The following TGM4 variants were observed in gnomAD, a reference collection of about 807,000 sequenced individuals.
The protein encoded by TGM4 is transglutaminase 4.
TGM4 carries 61 observed loss-of-function variants against 76.3 expected under a neutral mutation model. The ratio of observed to expected loss-of-function variants is 0.80; its 90% CI spans 0.65 to 0.99. The LOEUF (loss-of-function observed/expected upper bound fraction) is 0.99, where lower values mean the gene tolerates loss of function less well. Ranked by LOEUF, TGM4 falls within the 50% of genes least tolerant of loss-of-function variation. TGM4 has a pLI of 0.00. For synonymous variants in TGM4, 337 were observed against 329.8 expected (o/e 1.02, Z -0.24); for missense variants, 794 against 843.2 (o/e 0.94, Z 0.72).
chr3:44,887,234 C>T (rs543822171), intron 2 of TGM4, among the ~76,000 whole-genome samples: 2 of 152,314 alleles, frequency 1.3e-5, no homozygotes, highest in Middle Eastern at 3.4e-3. Flanking sequence ...ATAAACTGAC[C>T]GACCTTTCAA....
intron 3 of TGM4, chr3:44,890,400 T>C (rs1008438578): frequency 8.3e-6 from 5 of 602,192 alleles, no homozygotes; most frequent in Non-Finnish European, 1.4e-5. Flanking sequence ...AACTTCATGC[T>C]GTATGGAGCT....
intron 3 of TGM4, chr3:44,889,130 G>A (rs1296551236): frequency 4.3e-5 from 6 of 139,812 alleles, no homozygotes; most frequent in African/African-American, 1.6e-4. Flanking sequence ...AAGAGGTAGA[G>A]CTGGCCAGCC....
intron 6 of TGM4, among the ~76,000 whole-genome samples, chr3:44,897,648 T>C (rs978688343): frequency 6.6e-6 from 1 of 152,204 alleles, no homozygotes; most frequent in Non-Finnish European, 1.5e-5. Context: ...CTTTGCACTT[T>C]TAAAAATTAT....
At chr3:44,912,933 A>C (rs1282929679) in intron 13 of TGM4, among the ~76,000 whole-genome samples, 2 of 152,270 alleles carry the variant, frequency 1.3e-5, no homozygotes, top group African/African-American at 2.4e-5. Context: ...TCCAGCAAAA[A>C]ACTTTACTGA....
Position 44,874,623 on chromosome 3 carries a change from G to T in TGM4, c.-56G>T. 1.2e-6 allele frequency: 2 copies of T among 1,610,730 alleles called. No individual in the cohort carries two copies. The highest frequency in any genetic ancestry group is 1.3e-5 in the African/African-American group (1 of 74,990). ...TCCCCTGAGGACCGACTGTGTGGAA[G>T]CACCAGGCATCAGAGATAGAGTCTT... On this transcript the variant is annotated 5_prime_UTR_variant, in exon 1 of 14. Transcript: ENST00000296125.
chr3:44,901,410 G>A, intron 6 of TGM4, 114 bp from the exon 7 acceptor site: 1 of 1,282,066 alleles, frequency 7.8e-7, no homozygotes, highest in Non-Finnish European at 1.1e-6. Context: ...CGTCCTCCAA[G>A]TACTCTGAGA....
chr3:44,906,814 T>G, intron 9 of TGM4, 135 bp from the exon 10 acceptor site: 5 of 1,108,780 alleles, frequency 4.5e-6, no homozygotes, highest in Non-Finnish European at 6.5e-6. Flanking sequence ...GCCTAGGAAA[T>G]GAGTACCCAG....
chr3:44,902,844 A>C (rs528283494), intron 8 of TGM4, among the ~76,000 whole-genome samples: 1 of 152,326 alleles, frequency 6.6e-6, no homozygotes, highest in Admixed American at 6.5e-5. Context: ...ATTGACCACA[A>C]GATAGAAAAG....
intron 3 of TGM4, chr3:44,888,845 C>T (rs991528476): frequency 2.5e-4 from 38 of 152,102 alleles, no homozygotes; most frequent in African/African-American, 8.9e-4. Flanking sequence ...ACAACCTCCT[C>T]CCTCTTGCCA....
intron 5 of TGM4, among the ~76,000 whole-genome samples, chr3:44,894,847 A>T (rs1699758162): frequency 6.6e-6 from 1 of 152,026 alleles, no homozygotes; most frequent in East Asian, 1.9e-4. Context: ...ACCCTCACTC[A>T]TTCCTAGAAG....
At chr3:44,876,226 T>G (rs1382697642) in intron 1 of TGM4, among the ~76,000 whole-genome samples, 1 of 152,196 alleles carries the variant, frequency 6.6e-6, no homozygotes, top group Non-Finnish European at 1.5e-5. Context: ...GACTTTACTC[T>G]CAAGGTCTAA....
At chr3:44,876,746 T>G (rs564798899) in intron 1 of TGM4, among the ~76,000 whole-genome samples, 1 of 152,218 alleles carries the variant, frequency 6.6e-6, no homozygotes, top group Non-Finnish European at 1.5e-5. Flanking sequence ...TAAAACTGAC[T>G]CCAGAAAAAT....
intron 1 of TGM4, among the ~76,000 whole-genome samples, chr3:44,879,234 A>C (rs1371910404): frequency 2.6e-5 from 3 of 115,138 alleles, no homozygotes; most frequent in African/African-American, 9.7e-5. Context: ...TGGCTATTTT[A>C]TGGTCTCTCT....
chr3:44,876,779 C>A (rs926130373), intron 1 of TGM4, among the ~76,000 whole-genome samples: 3 of 152,008 alleles, frequency 2.0e-5, no homozygotes, highest in Non-Finnish European at 4.4e-5. Context: ...TAAGACAAAA[C>A]CTCCAGAGTC....
chr3:44,911,044 AT>A lies in TGM4; in HGVS notation c.1694del (p.Ile565ThrfsTer27). 6.2e-7 allele frequency: 1 copy of A among 1,614,222 alleles called. No homozygotes were observed. The highest frequency in any genetic ancestry group is 8.5e-7 in the Non-Finnish European group (1 of 1,180,036). ...LDDEPVIRGFIIAEIVESKEI... is the reference protein window; with the variant it reads ...LDDEPVIRGFXIAEIVESKEI... ...TGATGAGCCAGTTATCAGAGGTTTC[AT>A]CATTGCGGAAATTGTGGAGTCTAAG... On this transcript the variant is annotated frameshift_variant, in exon 12 of 14. Coordinates refer to ENST00000296125, the MANE Select transcript of TGM4 (RefSeq NM_003241.4). LOFTEE classifies it high-confidence loss of function.
chr3:44,890,216 T>G, intron 3 of TGM4: 1 of 171,148 alleles, frequency 5.8e-6, no homozygotes, highest in South Asian at 1.6e-4. Flanking sequence ...GAGATTCGAG[T>G]GGGGACACAG....
chr3:44,902,001 AG>A (rs1699862027), intron 8 of TGM4, 70 bp downstream of exon 8: 2 of 1,559,872 alleles, frequency 1.3e-6, no homozygotes. Flanking sequence ...TTTTAGAAAC[AG>A]GGTCTCTCGC....
intron 9 of TGM4, among the ~76,000 whole-genome samples, chr3:44,906,001 G>C (rs1016219110): frequency 1.3e-5 from 2 of 152,172 alleles, no homozygotes; most frequent in African/African-American, 4.8e-5. Context: ...CTGTTCCCTG[G>C]CCAGAAAAGG....
intron 13 of TGM4, among the ~76,000 whole-genome samples, chr3:44,912,660 CTATT>C (rs1374953993): frequency 1.3e-5 from 2 of 152,066 alleles, no homozygotes; most frequent in Non-Finnish European, 2.9e-5. Context: ...TTGAATTTAC[CTATT>C]TATTTGGGGG....
Sources: allele counts gnomAD v4.1 joint callset (sites outside exome capture counted in the v4.1 genomes callset), GRCh38; gene constraint gnomAD v4.1.1; transcripts MANE v1.5; gene names NCBI Gene and HGNC (gene_info 2026-07-23, HGNC 2026-07-21).